Variants in EEF2K observed in about 807,000 individuals in gnomAD.
EEF2K encodes the protein alternative protein EEF2K.
Under a neutral mutation model 93.8 loss-of-function variants are expected in EEF2K, and 70 were observed. The observed-to-expected ratio is 0.75, with a 90% CI of 0.62 to 0.91. EEF2K has a LOEUF of 0.91. EEF2K is among the 40% of genes least tolerant of loss of function. The pLI, the probability that EEF2K is intolerant of heterozygous loss-of-function variation, is 0.00. For missense variants in EEF2K, 935 were observed against 972.9 expected (o/e 0.96, Z 0.52); for synonymous variants, 376 against 380.8 (o/e 0.99, Z 0.15).
intron 1 of EEF2K, among the ~76,000 whole-genome samples, chr16:22,209,966 T>C (rs910976265): frequency 3.3e-5 from 5 of 152,156 alleles, no homozygotes; most frequent in African/African-American, 4.8e-5. Context: ...TGGCTAACTT[T>C]TAATTTTAGT....
intron 2 of EEF2K, among the ~76,000 whole-genome samples, chr16:22,228,090 T>C (rs993648323): frequency 7.3e-6 from 1 of 137,792 alleles, no homozygotes; most frequent in Non-Finnish European, 1.5e-5. Context: ...CTCAGCTCAC[T>C]GCAACCTCCA....
At chr16:22,280,031 A>C (rs1391368861) in intron 16 of EEF2K, among the ~76,000 whole-genome samples, 167 bp from the exon 17 acceptor site, 1 of 152,218 alleles carries the variant, frequency 6.6e-6, no homozygotes, top group Non-Finnish European at 1.5e-5. Context: ...TGAATATCAC[A>C]GTATGAAGGT....
chr16:22,227,062 G>C (rs1465221424), intron 2 of EEF2K, among the ~76,000 whole-genome samples: 7 of 152,094 alleles, frequency 4.6e-5, no homozygotes, highest in African/African-American at 1.7e-4. Flanking sequence ...AGCCGGGTGT[G>C]GTGGCGCACA....
At chr16:22,269,747 C>G (rs2047558229) in intron 15 of EEF2K, among the ~76,000 whole-genome samples, 1 of 152,080 alleles carries the variant, frequency 6.6e-6, no homozygotes, top group Non-Finnish European at 1.5e-5. Context: ...CAAATCAGAT[C>G]ACATTCTGCA....
At chr16:22,258,958 C>T (rs1237940618) in intron 10 of EEF2K, 1 of 370,888 alleles carries the variant, frequency 2.7e-6, no homozygotes, top group African/African-American at 2.1e-5. Flanking sequence ...ATAAATTTGA[C>T]AAACTAAAAA....
intron 15 of EEF2K, among the ~76,000 whole-genome samples, chr16:22,272,105 A>G (rs1395151931): frequency 6.6e-6 from 1 of 152,232 alleles, no homozygotes. Flanking sequence ...AAAACAGTAC[A>G]TCAAACCCTG....
intron 3 of EEF2K, among the ~76,000 whole-genome samples, chr16:22,246,702 C>G (rs2047295635): frequency 6.6e-6 from 1 of 151,812 alleles, no homozygotes; most frequent in Non-Finnish European, 1.5e-5. Context: ...TCATCTCCTG[C>G]CCTCCTGTCT....
At chr16:22,272,848 G>T (rs1436555432) in intron 15 of EEF2K, among the ~76,000 whole-genome samples, 1 of 152,064 alleles carries the variant, frequency 6.6e-6, no homozygotes, top group African/African-American at 2.4e-5. Context: ...TTTTAGTAGA[G>T]ACGGGGTTTC....
chr16:22,222,602 G>T (rs1395959699), intron 1 of EEF2K, among the ~76,000 whole-genome samples: 1 of 151,264 alleles, frequency 6.6e-6, no homozygotes, highest in Non-Finnish European at 1.5e-5. Context: ...GGGAGCAGTG[G>T]CTCATGCCTG....
At chr16:22,231,170 C>G (rs1384195163) in intron 2 of EEF2K, among the ~76,000 whole-genome samples, 1 of 151,580 alleles carries the variant, frequency 6.6e-6, no homozygotes, top group Non-Finnish European at 1.5e-5. Flanking sequence ...CTCACTGCAA[C>G]CTCTGCTTCC....
chr16:22,266,132 G>C (rs2141679859), intron 13 of EEF2K, among the ~76,000 whole-genome samples: 1 of 152,076 alleles, frequency 6.6e-6, no homozygotes, highest in African/African-American at 2.4e-5. Flanking sequence ...TGAGGCAGAA[G>C]AATCGCTTGA....
At chr16:22,223,175 AT>A (rs1167429722) in intron 1 of EEF2K, among the ~76,000 whole-genome samples, 3 of 149,494 alleles carry the variant, frequency 2.0e-5, no homozygotes, top group Admixed American at 1.3e-4. Context: ...TTTCATCCAT[AT>A]TGTAGTGTAT....
intron 1 of EEF2K, among the ~76,000 whole-genome samples, chr16:22,215,011 C>T (rs2046945796): frequency 6.6e-6 from 1 of 152,084 alleles, no homozygotes; most frequent in Admixed American, 6.6e-5. Flanking sequence ...TGATGTACAC[C>T]CTATGTAAAT....
At chr16:22,260,380 T>C in intron 10 of EEF2K, 82 bp from the exon 11 acceptor site, 1 of 1,450,382 alleles carries the variant, frequency 6.9e-7, no homozygotes, top group Admixed American at 2.0e-5. Flanking sequence ...GTGGCAGGTA[T>C]GGACCGCCCT....
intron 11 of EEF2K, among the ~76,000 whole-genome samples, chr16:22,260,988 G>A (rs1332159657): frequency 6.6e-6 from 1 of 152,180 alleles, no homozygotes; most frequent in Non-Finnish European, 1.5e-5. Context: ...TTGGTGGTAA[G>A]AAACTGAAGG....
chr16:22,254,461 G>C (rs1372031672), intron 6 of EEF2K, among the ~76,000 whole-genome samples: 1 of 152,156 alleles, frequency 6.6e-6, no homozygotes, highest in African/African-American at 2.4e-5. Context: ...ACTCTCCATG[G>C]ATGGTCGTTT....
chr16:22,215,793 C>T (rs969161793), intron 1 of EEF2K, among the ~76,000 whole-genome samples: 9 of 152,084 alleles, frequency 5.9e-5, no homozygotes, highest in African/African-American at 9.7e-5. Flanking sequence ...GGTGTGGTGG[C>T]GGGTGCCTGT....
chr16:22,222,272 C>A (rs1422156601), intron 1 of EEF2K, among the ~76,000 whole-genome samples: 2 of 151,790 alleles, frequency 1.3e-5, no homozygotes, highest in African/African-American at 4.8e-5. Flanking sequence ...CAGCTCACTG[C>A]AGCCTCTGGG....
chr16:22,228,719 T>C (rs62044766), intron 2 of EEF2K, among the ~76,000 whole-genome samples: 18,174 of 152,178 alleles, frequency 0.12, 1,319 homozygotes, highest in Middle Eastern at 0.17. Context: ...TGAGAAAACA[T>C]ATAATTTAGT....
Sources: gnomAD v4.1 joint callset for allele counts (sites outside exome capture counted in the v4.1 genomes callset) on GRCh38, gnomAD v4.1.1 for gene constraint, MANE v1.5 for transcripts, NCBI Gene and HGNC (gene_info 2026-07-23, HGNC 2026-07-21) for gene names.